NKD1: variants seen among roughly 807,000 people sequenced by gnomAD.
The protein encoded by NKD1 is NKD inhibitor of Wnt signaling pathway 1.
Under a neutral mutation model 56.0 loss-of-function variants are expected in NKD1, and 21 were observed. The observed-to-expected ratio is 0.38, with a 90% CI of 0.27 to 0.54. The LOEUF (loss-of-function observed/expected upper bound fraction) is 0.54. NKD1 is among the 20% of genes least tolerant of loss of function. The pLI is 0.82. For missense variants in NKD1, 578 were observed against 642.7 expected, an observed-to-expected ratio of 0.90 and a Z score of 1.09; for synonymous variants, 263 against 265.7, an observed-to-expected ratio of 0.99 and a Z score of 0.10.
chr16:50,588,609 T>C (rs1203726618), intron 3 of NKD1, among the ~76,000 whole-genome samples: 1 of 144,658 alleles, frequency 6.9e-6, no homozygotes, highest in African/African-American at 2.5e-5. Flanking sequence ...TTTTTTTTTT[T>C]TTTTTTTTTT....
At chr16:50,569,827 T>A (rs932156739) in intron 3 of NKD1, among the ~76,000 whole-genome samples, 8 of 152,224 alleles carry the variant, frequency 5.3e-5, no homozygotes, top group African/African-American at 1.9e-4. Flanking sequence ...ACTTATTAAG[T>A]GGAACCCTCT....
chr16:50,555,717 G>T (rs1340649061), intron 3 of NKD1: 1 of 152,276 alleles, frequency 6.6e-6, no homozygotes, highest in Non-Finnish European at 1.5e-5. Flanking sequence ...TCCGAGACAG[G>T]ATGTGCAGCC....
chr16:50,557,916 A>T (rs1324084254), intron 3 of NKD1: 1 of 152,224 alleles, frequency 6.6e-6, no homozygotes, highest in African/African-American at 2.4e-5. Flanking sequence ...TTAGAAACTT[A>T]AGGACCTACA....
chr16:50,622,077 G>C (rs1383312506), intron 5 of NKD1, among the ~76,000 whole-genome samples: 2 of 152,154 alleles, frequency 1.3e-5, no homozygotes, highest in African/African-American at 4.8e-5. Flanking sequence ...GGCTGTTCTG[G>C]GGGTGCCTGT....
chr16:50,629,999 G>C (rs1477235447), intron 6 of NKD1, among the ~76,000 whole-genome samples, 187 bp from the exon 7 acceptor site: 3 of 152,072 alleles, frequency 2.0e-5, no homozygotes, highest in Admixed American at 6.5e-5. Context: ...CTCTCTCCCT[G>C]CTCCCTCATT....
At chr16:50,555,188 C>G (rs1377209191) in intron 3 of NKD1, among the ~76,000 whole-genome samples, 1 of 152,076 alleles carries the variant, frequency 6.6e-6, no homozygotes, top group Non-Finnish European at 1.5e-5. Flanking sequence ...TCAAGCTGCC[C>G]TGGTAGGATG....
rs936848200 is a variant in NKD1, at chr16:50,631,449, A to ACACG, written c.695+540_695+543dup. 6.6e-5 allele frequency among the ~76,000 whole-genome samples: 10 copies of ACACG among 152,300 alleles called. No individual in the cohort carries two copies. The East Asian group carries it at 1.4e-3, about 21-fold the overall frequency. ...GAAAGGGATTGAGTAAACAACAGTA[A>ACACG]CACGGCAGGCATAAGGCTGTGTTAA... On this transcript the variant is annotated intron_variant, in intron 8 of 9. Transcript: ENST00000268459.
intron 3 of NKD1, among the ~76,000 whole-genome samples, chr16:50,584,318 C>T (rs910945283): frequency 6.6e-6 from 1 of 152,212 alleles, no homozygotes; most frequent in African/African-American, 2.4e-5. Context: ...TCACTACCGT[C>T]CCGTCTGCTA....
At chr16:50,573,504 G>T (rs946547995) in intron 3 of NKD1, among the ~76,000 whole-genome samples, 20 of 152,192 alleles carry the variant, frequency 1.3e-4, no homozygotes, top group Admixed American at 1.2e-3. Context: ...GTGCTTTCTG[G>T]GGTCAGATCA....
At chr16:50,573,338 C>T (rs879728315) in intron 3 of NKD1, among the ~76,000 whole-genome samples, 3 of 152,138 alleles carry the variant, frequency 2.0e-5, no homozygotes, top group Non-Finnish European at 2.9e-5. Flanking sequence ...TGGAGACCTC[C>T]TGATGCTGAA....
chr16:50,615,972 T>G (rs567560655), intron 4 of NKD1: 1 of 439,890 alleles, frequency 2.3e-6, no homozygotes, highest in African/African-American at 2.0e-5. Context: ...TTTCTCTTTT[T>G]ACTGGCAGCA....
intron 3 of NKD1, among the ~76,000 whole-genome samples, chr16:50,570,003 T>C (rs978740104): frequency 6.6e-6 from 1 of 152,090 alleles, no homozygotes; most frequent in African/African-American, 2.4e-5. Context: ...ACGTTTGAAA[T>C]AGGGCGGGTC....
At position 50,638,516 on chromosome 16, in the gene NKD1, C is replaced by T. The variant is rs1228131307; in HGVS notation, c.*4735C>T. On this transcript the variant is annotated 3_prime_UTR_variant, in exon 10 of 10. Coordinates refer to ENST00000268459, the MANE Select transcript of NKD1 (RefSeq NM_033119.5). ...TGCAGAGCAAAGACAGATGTTTCAG[C>T]CACACGCTTTATTAACTTCTAAAAC... The T allele has an allele frequency of 2.0e-5, 3 of 152,252 alleles. No individual in the cohort carries two copies. Among genetic ancestry groups the T allele is most frequent in the Non-Finnish European group, 4.4e-5 (3 of 68,080 alleles). 9.4% of individuals were successfully genotyped at this position (152,252 alleles called of 1,614,324 possible).
chr16:50,561,059 T>C (rs759560697), intron 3 of NKD1, among the ~76,000 whole-genome samples: 15 of 152,274 alleles, frequency 9.9e-5, no homozygotes, highest in Non-Finnish European at 1.5e-4. Context: ...GTTTGGTTTG[T>C]TGACTTTTGG....
intron 3 of NKD1, among the ~76,000 whole-genome samples, chr16:50,564,131 T>G (rs1386876990): frequency 6.6e-6 from 1 of 152,252 alleles, no homozygotes; most frequent in Non-Finnish European, 1.5e-5. Context: ...AGAGCCCCCT[T>G]CCTTGTAACA....
At chr16:50,616,117 A>G (rs1006575485) in intron 4 of NKD1, 3 of 455,728 alleles carry the variant, frequency 6.6e-6, no homozygotes, top group African/African-American at 6.0e-5. Flanking sequence ...TTTGCAGCAG[A>G]TAATCTGTAC....
chr16:50,574,284 G>A (rs1285228540), intron 3 of NKD1: 1 of 985,262 alleles, frequency 1.0e-6, no homozygotes, highest in Non-Finnish European at 1.2e-6. Flanking sequence ...CTTGGACAGT[G>A]GGGGCTAGGG....
At position 50,630,835 on chromosome 16, in the gene NKD1, G is replaced by A. The variant is rs1197997122; in HGVS notation, c.620G>A (p.Ser207Asn). 1.9e-6 allele frequency: 3 copies of A among 1,602,060 alleles called. No individual in the cohort carries two copies. The highest frequency in any genetic ancestry group is 2.3e-5 in the East Asian group (1 of 44,390). The part of the protein sequence containing the change: ...SVLVNQADLQ[S>N]ARPRAETKPT... ...CTCGGGCCGGACTCAGACCTGCAGA[G>A]CGCAAGGCCCCGAGCAGAGACCAAG... Residue 207 changes from serine to asparagine, a missense_variant, in exon 8 of 10, where the codon AGC becomes AAC. Coordinates refer to ENST00000268459, the MANE Select transcript of NKD1 (RefSeq NM_033119.5).
chr16:50,572,127 T>A (rs541394008), intron 3 of NKD1, among the ~76,000 whole-genome samples: 6 of 152,308 alleles, frequency 3.9e-5, no homozygotes, highest in Middle Eastern at 3.4e-3. Flanking sequence ...TTCACTGTGG[T>A]TCCTTCTCCT....
Sources: allele counts gnomAD v4.1 joint callset (sites outside exome capture counted in the v4.1 genomes callset), GRCh38; gene constraint gnomAD v4.1.1; transcripts MANE v1.5; gene names NCBI Gene and HGNC (gene_info 2026-07-23, HGNC 2026-07-21).